The following LRRC9 variants were observed in gnomAD, a reference collection of about 807,000 sequenced individuals.
LRRC9 encodes leucine-rich repeat-containing protein 9.
A neutral mutation model predicts 63.2 loss-of-function variants in LRRC9; 122 were observed. The ratio of observed to expected loss-of-function variants is 1.93; its 90% CI spans 1.67 to 2.24. The LOEUF is 2.24. Ranked by LOEUF, LRRC9 falls within the 30% of genes most tolerant of loss-of-function variation. LRRC9 has a pLI of 0.00. For synonymous variants in LRRC9, 366 were observed against 213.1 expected, an observed-to-expected ratio of 1.72 and a Z score of -6.25; for missense variants, 1,071 against 627.7, an observed-to-expected ratio of 1.71 and a Z score of -7.55.
intron 22 of LRRC9, among the ~76,000 whole-genome samples, chr14:60,007,359 T>C (rs1330365507): frequency 1.3e-5 from 2 of 152,162 alleles, no homozygotes; most frequent in African/African-American, 2.4e-5. Context: ...TTACTCCCTC[T>C]TGTTTTCAGT....
intron 1 of LRRC9, among the ~76,000 whole-genome samples, chr14:59,924,908 T>G (rs1287978138): frequency 6.6e-6 from 1 of 151,894 alleles, no homozygotes; most frequent in Non-Finnish European, 1.5e-5. Flanking sequence ...GCTTTTTTTT[T>G]TTTTTCCATT....
rs1178267099 is a variant in LRRC9 at position 59,959,827 on chromosome 14, G to T, written c.892G>T (p.Glu298Ter). The T allele has an allele frequency of 1.9e-5, 12 of 623,124 alleles. No homozygotes were observed. In the East Asian group the frequency reaches 3.4e-4, roughly 18 times the overall value. The allele number at this position is 623,124 out of a possible 1,614,324, so 38.6% of individuals were successfully genotyped here. A position where few individuals can be genotyped will look rare whatever the true frequency, so the allele number is the denominator to read the frequency against. ...ACATTGTTTTCCACAGTTGGAACGA[G>T]AACTGGCTGAACTCAAGGGCTCGGG... Residue 298 changes from glutamate (E) to a stop codon, truncating the protein, a stop_gained, in exon 9 of 32, where the codon GAA (glutamate) becomes TAA (stop). Transcript: ENST00000445360. LOFTEE classifies it high-confidence loss of function.
In LRRC9 at chr14:60,060,194, G is replaced by A. The variant is rs181172294; in HGVS notation, c.4276+2172G>A. 6.6e-6 allele frequency among the ~76,000 whole-genome samples: 1 copy of A among 152,288 alleles called. No individual in the cohort carries two copies. The highest frequency in any genetic ancestry group is 1.9e-4 in the East Asian group (1 of 5,188). On this transcript the variant is annotated intron_variant, in intron 31 of 31. Coordinates refer to ENST00000445360, the Ensembl canonical transcript of LRRC9. This position sits in a 1 kb window ranked among gnomAD's most constrained non-coding sequence, Gnocchi z 4.0. ...ACAAAGCTTGGATAACAGCACATCTGTTTACAGCATAGTTTACTAAGTATT... is the reference window on the plus strand; with the variant it reads ...ACAAAGCTTGGATAACAGCACATCTATTTACAGCATAGTTTACTAAGTATT...
intron 8 of LRRC9, among the ~76,000 whole-genome samples, chr14:59,955,221 C>T (rs955277536): frequency 6.6e-6 from 1 of 152,184 alleles, no homozygotes. Context: ...AGGAATGGTA[C>T]CAGTTCCTCT....
chr14:60,055,906 GAAAA>G (rs11395416), intron 30 of LRRC9, among the ~76,000 whole-genome samples: 1 of 140,644 alleles, frequency 7.1e-6, no homozygotes, highest in African/African-American at 2.6e-5. Context: ...CCCTGTCTTG[GAAAA>G]AAAAAAAAAA....
In LRRC9 at chr14:59,938,874, T is replaced by C. The variant is rs1881342920; in HGVS notation, c.726+302T>C. Among the ~76,000 whole-genome samples, 1 of 148,088 alleles carries C rather than the reference T, an allele frequency of 6.8e-6. No individual in the cohort carries two copies. The highest frequency in any genetic ancestry group is 1.5e-5 in the Non-Finnish European group (1 of 67,346). On this transcript the variant is annotated intron_variant, in intron 7 of 31. Transcript: ENST00000445360. The surrounding 1 kb of genome is among the most constrained non-coding windows in gnomAD (Gnocchi z 4.2). Reference sequence around the variant, plus strand: ...GTTAAAAATAGACTAGTGCCATATATATATACACACATATATACACATATA... The same window carrying C: ...GTTAAAAATAGACTAGTGCCATATACATATACACACATATATACACATATA...
intron 10 of LRRC9, among the ~76,000 whole-genome samples, chr14:59,965,875 T>A (rs1184920238): frequency 2.2e-5 from 1 of 46,356 alleles, no homozygotes; most frequent in Admixed American, 3.6e-4. Flanking sequence ...AGAGCGAGAC[T>A]CCGCCTCAAA....
At chr14:60,046,079 G>C (rs1325829551) in intron 29 of LRRC9, among the ~76,000 whole-genome samples, 1 of 152,146 alleles carries the variant, frequency 6.6e-6, no homozygotes, top group African/African-American at 2.4e-5. Context: ...CTTTTGAGAA[G>C]TATCTGTTCA....
intron 16 of LRRC9, among the ~76,000 whole-genome samples, chr14:59,983,783 A>G (rs1280993803): frequency 6.6e-6 from 1 of 152,186 alleles, no homozygotes; most frequent in Admixed American, 6.5e-5. Flanking sequence ...CCAAAATTTA[A>G]AAGTTTATAT....
intron 29 of LRRC9, among the ~76,000 whole-genome samples, chr14:60,044,421 T>A (rs901142850): frequency 6.6e-6 from 1 of 152,194 alleles, no homozygotes; most frequent in Admixed American, 6.5e-5. Context: ...TTTTTTGACA[T>A]AGGCATTTAT....
intron 8 of LRRC9, among the ~76,000 whole-genome samples, chr14:59,947,779 G>T (rs1882622173): frequency 2.0e-5 from 3 of 146,870 alleles, no homozygotes; most frequent in Non-Finnish European, 4.5e-5. Context: ...TTTCCCCATT[G>T]CTTGTTTTTC....
At chr14:60,022,313 T>C (rs949255892) in intron 26 of LRRC9, among the ~76,000 whole-genome samples, 2 of 151,846 alleles carry the variant, frequency 1.3e-5, no homozygotes, top group Admixed American at 6.6e-5. Flanking sequence ...AGGTAGAAAA[T>C]TCAGTTGATT....
At chr14:60,020,142 ACTGATCTGCTCTCTCG>A (rs1891007234) in intron 26 of LRRC9, among the ~76,000 whole-genome samples, 1 of 151,820 alleles carries the variant, frequency 6.6e-6, no homozygotes, top group African/African-American at 2.4e-5. Context: ...GGCAACAACC[ACTGATCTGCTCTCTCG>A]CTATAATTTT....
chr14:59,987,706 G>A (rs948059901), intron 17 of LRRC9, among the ~76,000 whole-genome samples: 9 of 152,028 alleles, frequency 5.9e-5, no homozygotes, highest in African/African-American at 2.2e-4. Context: ...TAGGAGACAC[G>A]TGATATCTTA....
At chr14:59,952,971 C>T (rs1391678829) in intron 8 of LRRC9, among the ~76,000 whole-genome samples, 3 of 152,170 alleles carry the variant, frequency 2.0e-5, no homozygotes, top group Non-Finnish European at 4.4e-5. Context: ...ATCCATGTCC[C>T]TGCAAAGGAC....
intron 15 of LRRC9, among the ~76,000 whole-genome samples, chr14:59,980,203 G>GA (rs1284461680): frequency 6.6e-6 from 1 of 152,086 alleles, no homozygotes; most frequent in Non-Finnish European, 1.5e-5. Context: ...GTGTGAGGTA[G>GA]AAAGGTGGTC....
chr14:60,039,301 T>C (rs1203334255), intron 29 of LRRC9, among the ~76,000 whole-genome samples: 2 of 152,228 alleles, frequency 1.3e-5, no homozygotes, highest in Non-Finnish European at 2.9e-5. Context: ...GAGGATTCCC[T>C]CTTTTTCTAT....
At chr14:59,993,082 A>G (rs527929343) in intron 17 of LRRC9, among the ~76,000 whole-genome samples, 3 of 152,366 alleles carry the variant, frequency 2.0e-5, no homozygotes, top group African/African-American at 7.2e-5. Context: ...CCACAAAGGG[A>G]AAGTCCATCA....
At chr14:60,041,404 C>T (rs1473863798) in intron 29 of LRRC9, among the ~76,000 whole-genome samples, 3 of 152,170 alleles carry the variant, frequency 2.0e-5, no homozygotes, top group Non-Finnish European at 4.4e-5. Flanking sequence ...ACCAATCACA[C>T]GTAGATATGG....
Sources: allele counts gnomAD v4.1 joint callset (sites outside exome capture counted in the v4.1 genomes callset), GRCh38; gene constraint gnomAD v4.1.1; non-coding constraint Gnocchi (gnomAD v3.1); transcripts MANE v1.5; gene names NCBI Gene and HGNC (gene_info 2026-07-23, HGNC 2026-07-21).